SIPA1L1: variants seen among roughly 807,000 people sequenced by gnomAD.
The protein encoded by SIPA1L1 is signal-induced proliferation-associated 1-like protein 1.
SIPA1L1 carries 26 observed loss-of-function variants against 162.7 expected under a neutral mutation model. That is an observed-to-expected ratio of 0.16 (90% confidence interval 0.12 to 0.22). The LOEUF (loss-of-function observed/expected upper bound fraction) is 0.22. Ranked by LOEUF, SIPA1L1 falls within the 10% of genes least tolerant of loss-of-function variation. The pLI is 1.00. For missense variants in SIPA1L1, 1,874 were observed against 2,241.0 expected (o/e 0.84, Z 3.31); for synonymous variants, 829 against 837.4 (o/e 0.99, Z 0.17).
chr14:71,536,436 G>T (rs2053912693), intron 4 of SIPA1L1, among the ~76,000 whole-genome samples: 1 of 152,220 alleles, frequency 6.6e-6, no homozygotes, highest in Non-Finnish European at 1.5e-5. Context: ...GGTATAAACA[G>T]AGCAAATGAT....
At chr14:71,552,586 C>CG (rs2055955487) in intron 4 of SIPA1L1, among the ~76,000 whole-genome samples, 1 of 151,768 alleles carries the variant, frequency 6.6e-6, no homozygotes, top group Non-Finnish European at 1.5e-5. Flanking sequence ...TTAGTAGAGA[C>CG]GGGGTTTCAC....
intron 10 of SIPA1L1, among the ~76,000 whole-genome samples, chr14:71,663,509 T>C (rs1307425502): frequency 6.6e-6 from 1 of 152,214 alleles, no homozygotes; most frequent in Non-Finnish European, 1.5e-5. Context: ...AAATTTAATA[T>C]AATTTGATAT....
chr14:71,674,860 G>A (rs887911720), intron 12 of SIPA1L1, among the ~76,000 whole-genome samples: 1 of 151,658 alleles, frequency 6.6e-6, no homozygotes, highest in Non-Finnish European at 1.5e-5. Flanking sequence ...CACCGCGCCC[G>A]GCCGCATTCC....
chr14:71,501,841 A>G (rs566876991), intron 2 of SIPA1L1, among the ~76,000 whole-genome samples: 62 of 152,008 alleles, frequency 4.1e-4, no homozygotes, highest in Non-Finnish European at 6.5e-4. Context: ...CTGGGTCTCA[A>G]ACCATGGCGA....
At chr14:71,594,574 T>C (rs992405932) in intron 5 of SIPA1L1, among the ~76,000 whole-genome samples, 2 of 152,196 alleles carry the variant, frequency 1.3e-5, no homozygotes, top group African/African-American at 2.4e-5. Context: ...TTCAGATAAA[T>C]GGTAAACTCC....
intron 2 of SIPA1L1, among the ~76,000 whole-genome samples, chr14:71,462,804 A>T (rs543645751): frequency 1.3e-5 from 2 of 152,368 alleles, no homozygotes; most frequent in East Asian, 3.9e-4. Flanking sequence ...CTCTCCGAAT[A>T]AATTATGATA....
At chr14:71,701,090 A>G (rs1046981967) in intron 14 of SIPA1L1, among the ~76,000 whole-genome samples, 2 of 146,980 alleles carry the variant, frequency 1.4e-5, no homozygotes, top group Admixed American at 6.8e-5. Context: ...TGCTTTATGT[A>G]GATTTTTCTC....
intron 2 of SIPA1L1, among the ~76,000 whole-genome samples, chr14:71,461,185 A>C (rs936214515): frequency 6.6e-6 from 1 of 152,190 alleles, no homozygotes; most frequent in Non-Finnish European, 1.5e-5. Context: ...CCGTGATGGA[A>C]GAGGTCCAGT....
chr14:71,390,666 T>C (rs941296860), intron 2 of SIPA1L1, among the ~76,000 whole-genome samples: 5 of 151,934 alleles, frequency 3.3e-5, no homozygotes, highest in African/African-American at 1.2e-4. Flanking sequence ...GTGCCTGTGG[T>C]TCCAGCTACT....
At chr14:71,444,250 C>G (rs546707425) in intron 2 of SIPA1L1, among the ~76,000 whole-genome samples, 1 of 152,238 alleles carries the variant, frequency 6.6e-6, no homozygotes, top group East Asian at 1.9e-4. Flanking sequence ...GTGCTCAGAG[C>G]GTTTACAAAT....
intron 2 of SIPA1L1, among the ~76,000 whole-genome samples, chr14:71,410,681 C>T (rs1278289960): frequency 1.3e-5 from 2 of 152,022 alleles, no homozygotes; most frequent in African/African-American, 4.8e-5. Flanking sequence ...GGAGTATTTC[C>T]GATTTCATGT....
At chr14:71,508,354 C>G (rs1555442969) in intron 2 of SIPA1L1, among the ~76,000 whole-genome samples, 2 of 152,148 alleles carry the variant, frequency 1.3e-5, no homozygotes, top group East Asian at 1.9e-4. Flanking sequence ...CCCCATTTTT[C>G]TCTTGTTTCT....
In SIPA1L1 at chr14:71,349,379, A is replaced by G. The variant is rs374124798; in HGVS notation, c.-465+28198A>G. ...TGGGTCGGAGAATTCCTTTATGACCATGCTTCACATAGAAGGCAGGGGAAG... is the reference window on the plus strand; with the variant it reads ...TGGGTCGGAGAATTCCTTTATGACCGTGCTTCACATAGAAGGCAGGGGAAG... On this transcript the variant is annotated intron_variant, in intron 2 of 23. Transcript: ENST00000381232. Among the ~76,000 whole-genome samples the G allele has an allele frequency of 3.8e-4, 58 of 152,244 alleles. No individual in the cohort carries two copies. The South Asian group carries it at 0.012, about 31-fold the overall frequency.
chr14:71,593,921 G>A (rs1445623708), intron 5 of SIPA1L1, among the ~76,000 whole-genome samples: 1 of 152,168 alleles, frequency 6.6e-6, no homozygotes, highest in Non-Finnish European at 1.5e-5. Context: ...CACTGCCCAG[G>A]AGAAACACAG....
rs2085608916 is a variant in SIPA1L1, at chr14:71,739,365, TAAA to T, written c.*207_*209del. Reference sequence around the variant, plus strand: ...AGAAAAGAAAAACAAAAAAAGTAAATAAAAATTTTAAACAGTAAAATAAAAGTT... The same window carrying T: ...AGAAAAGAAAAACAAAAAAAGTAAATAATTTTAAACAGTAAAATAAAAGTT... On this transcript the variant is annotated 3_prime_UTR_variant, in exon 24 of 24. Coordinates refer to ENST00000381232, the MANE Select transcript of SIPA1L1 (RefSeq NM_001386936.1). The T allele has an allele frequency of 5.3e-6, 2 of 375,884 alleles. No homozygotes were observed. The highest frequency in any genetic ancestry group is 9.4e-6 in the Non-Finnish European group (2 of 213,518). 23.3% of individuals were successfully genotyped at this position (375,884 alleles called of 1,614,324 possible). A position where few individuals can be genotyped will look rare whatever the true frequency, so the allele number is the denominator to read the frequency against.
chr14:71,451,766 G>C (rs1020959227), intron 2 of SIPA1L1, among the ~76,000 whole-genome samples: 2 of 151,946 alleles, frequency 1.3e-5, no homozygotes, highest in Non-Finnish European at 2.9e-5. Flanking sequence ...AGTATGTCAG[G>C]TAACATATAT....
At chr14:71,474,928 G>A (rs530896904) in intron 2 of SIPA1L1, among the ~76,000 whole-genome samples, 1 of 152,306 alleles carries the variant, frequency 6.6e-6, no homozygotes, top group South Asian at 2.1e-4. Context: ...TTTTGTGTGT[G>A]TAGGTGTGTG....
At chr14:71,411,158 C>T (rs1423752080) in intron 2 of SIPA1L1, among the ~76,000 whole-genome samples, 1 of 151,766 alleles carries the variant, frequency 6.6e-6, no homozygotes, top group Non-Finnish European at 1.5e-5. Flanking sequence ...GTGTAGGTGG[C>T]CTTCTCCTGA....
At chr14:71,507,819 G>C (rs1362623956) in intron 2 of SIPA1L1, among the ~76,000 whole-genome samples, 1 of 152,094 alleles carries the variant, frequency 6.6e-6, no homozygotes, top group African/African-American at 2.4e-5. Flanking sequence ...AGCCCTGTCA[G>C]CCTTCTCTTA....
Sources: gnomAD v4.1 joint callset for allele counts (sites outside exome capture counted in the v4.1 genomes callset) on GRCh38, gnomAD v4.1.1 for gene constraint, MANE v1.5 for transcripts, NCBI Gene and HGNC (gene_info 2026-07-23, HGNC 2026-07-21) for gene names.